ATM: variants seen among roughly 807,000 people sequenced by gnomAD.
The protein encoded by ATM is serine-protein kinase ATM.
Under a neutral mutation model 387.0 loss-of-function variants are expected in ATM, and 308 were observed. The observed-to-expected ratio is 0.80, with a 90% confidence interval of 0.73 to 0.87. ATM has a LOEUF of 0.87. ATM is among the 40% of genes least tolerant of loss of function. The pLI, the probability that ATM is intolerant of heterozygous loss-of-function variation, is 0.00. For missense variants in ATM, 3,312 were observed against 3,560.9 expected (o/e 0.93, Z 1.78); for synonymous variants, 1,156 against 1,187.3 (o/e 0.97, Z 0.54).
rs777200099 is a variant in ATM at position 108,317,998 on chromosome 11, T to C, written c.6347+477T>C. ...GCTACAAACATTTTAGTCAGTAAGATAGCACTTATATTGGCTGGAGGATCC... is the reference window on the plus strand; with the variant it reads ...GCTACAAACATTTTAGTCAGTAAGACAGCACTTATATTGGCTGGAGGATCC... On this transcript the variant is annotated intron_variant, in intron 43 of 62. Transcript: ENST00000675843. 5.9e-5 allele frequency among the ~76,000 whole-genome samples: 9 copies of C among 152,288 alleles called. No individual in the cohort carries two copies. The South Asian group carries it at 1.0e-3, about 18-fold the overall frequency.
Position 108,281,122 on chromosome 11 carries a change from G to A in ATM, c.3530G>A (p.Cys1177Tyr), listed in dbSNP as rs587782470. 2 of 1,613,998 alleles carry A rather than the reference G, an allele frequency of 1.2e-6. No individual in the cohort carries two copies. Among genetic ancestry groups the A allele is most frequent in the Middle Eastern group, 1.7e-4 (1 of 6,060 alleles). The change falls in exon 24 of 63, where the codon TGT becomes TAT. Residue 1177 changes from cysteine to tyrosine, a missense_variant. Coordinates refer to ENST00000675843, the MANE Select transcript of ATM (RefSeq NM_000051.4). Reference sequence around the variant, plus strand: ...GAAAAACAGGCTTTGTTTGCCCTGTGTAAATCTGTGAAAGAGAATGGATTA... The same window carrying A: ...GAAAAACAGGCTTTGTTTGCCCTGTATAAATCTGTGAAAGAGAATGGATTA... ...ICEKQALFAL[C>Y]KSVKENGLEP...
At chr11:108,240,814 G>A (rs560310319) in intron 5 of ATM, among the ~76,000 whole-genome samples, 2 of 152,194 alleles carry the variant, frequency 1.3e-5, no homozygotes, top group South Asian at 4.1e-4. Flanking sequence ...CTCTTATTCT[G>A]TACCAAATTT....
At chr11:108,277,137 G>A (rs942263684) in intron 22 of ATM, among the ~76,000 whole-genome samples, 1 of 152,148 alleles carries the variant, frequency 6.6e-6, no homozygotes, top group Non-Finnish European at 1.5e-5. Context: ...CACCCAGTTC[G>A]AACTTCCTAC....
At position 108,326,395 on chromosome 11, in the gene ATM, ACTTTTT is replaced by A. The variant is rs201063124; in HGVS notation, c.6975+172_6975+177del. ...ATTAATTTGTAAATGAAGTTTAGAAACTTTTTCCTATATATCACAATTCTATCAGTC... is the reference window on the plus strand; with the variant it reads ...ATTAATTTGTAAATGAAGTTTAGAAACCTATATATCACAATTCTATCAGTC... On this transcript the variant is annotated intron_variant, in intron 47 of 62. Coordinates refer to ENST00000675843, the MANE Select transcript of ATM (RefSeq NM_000051.4). Among the ~76,000 whole-genome samples the A allele has an allele frequency of 6.8e-3, 1,034 of 152,312 alleles. 15 individuals carry two copies. The highest frequency in any genetic ancestry group is 0.023 in the African/African-American group (957 of 41,570).
chr11:108,262,621 TCACACATAA>T (rs2080968595), intron 16 of ATM, among the ~76,000 whole-genome samples: 1 of 152,170 alleles, frequency 6.6e-6, no homozygotes, highest in Non-Finnish European at 1.5e-5. Flanking sequence ...AGGATCAAAT[TCACACATAA>T]CAATGTTAAC....
At chr11:108,308,874 C>T in intron 38 of ATM, 2 of 693,898 alleles carry the variant, frequency 2.9e-6, no homozygotes, top group South Asian at 1.7e-5. Flanking sequence ...ACCAGATTAT[C>T]TTCTGAGGAG....
Position 108,292,743 on chromosome 11 carries a change from G to T in ATM, c.4561G>T (p.Val1521Phe). Residue 1521 changes from valine to phenylalanine, a missense_variant, in exon 30 of 63, where the codon GTT becomes TTT. Physicochemically the swap from Val to Phe is conservative, Grantham distance 50 (BLOSUM62 -1). Around this residue, in one of 4 missense-constraint regions of ATM, gnomAD observed 1,791 missense variants for 1,804.5 expected, o/e 0.99. Transcript: ENST00000675843. ...DALENHLHVI[V>F]GTLIPLVYEQ... ...TCTAGAAAACCATCTTCATGTTATT[G>T]TTGGTACACTTATACCCCTTGTGTA... is the stretch of plus-strand genomic sequence containing the variant. The T allele has an allele frequency of 6.2e-7, 1 of 1,613,994 alleles. No individual in the cohort carries two copies. Among genetic ancestry groups the T allele is most frequent in the South Asian group, 1.1e-5 (1 of 91,080 alleles).
At chr11:108,315,222 A>G (rs611018) in intron 40 of ATM, among the ~76,000 whole-genome samples, 144,090 of 152,328 alleles carry the variant, frequency 0.95, 68,251 homozygotes, top group East Asian at 1. Context: ...AATGCTTACC[A>G]CAGTAGCAAC....
At chr11:108,229,569 C>T in intron 4 of ATM, 1 of 421,902 alleles carries the variant, frequency 2.4e-6, no homozygotes. Flanking sequence ...TGGTTGTGAT[C>T]AATTCGTTGT....
At chr11:108,264,372 G>A (rs2081088602) in intron 16 of ATM, among the ~76,000 whole-genome samples, 1 of 152,078 alleles carries the variant, frequency 6.6e-6, no homozygotes, top group Non-Finnish European at 1.5e-5. Flanking sequence ...CAGAACCAAA[G>A]ACAAAAAACA....
chr11:108,276,227 C>T (rs924246458), intron 22 of ATM, among the ~76,000 whole-genome samples: 1 of 152,200 alleles, frequency 6.6e-6, no homozygotes, highest in Non-Finnish European at 1.5e-5. Flanking sequence ...TTATGTTCTT[C>T]TCTACACTGA....
intron 49 of ATM, among the ~76,000 whole-genome samples, chr11:108,329,857 T>C (rs764967439): frequency 1.3e-5 from 2 of 152,234 alleles, no homozygotes; most frequent in Non-Finnish European, 2.9e-5. Flanking sequence ...TGTTTGTTGG[T>C]ATCATAGTGG....
At chr11:108,327,838 C>A (rs2136383172) in intron 48 of ATM, 80 bp downstream of exon 48, 1 of 1,096,696 alleles carries the variant, frequency 9.1e-7, no homozygotes, top group Non-Finnish European at 1.4e-6. Context: ...AATATATTTC[C>A]AAAGCAAATA....
Position 108,250,960 on chromosome 11 carries a change from C to T in ATM, c.1495C>T (p.Gln499Ter), listed in dbSNP as rs1555071075. The stretch of plus-strand genomic sequence containing the variant: ...TACCTTTCGTGGTATAAGTTCTGAG[C>T]AAATACAAGCTGAAAACTTTGGCTT... Reference protein sequence around the residue: ...CITFRGISSEQIQAENFGLLG... With the variant: ...CITFRGISSE Residue 499 changes from glutamine to a stop codon, truncating the protein, a stop_gained, in exon 10 of 63, where the codon CAA becomes TAA. Transcript: ENST00000675843. LOFTEE classifies it high-confidence loss of function. The T allele has an allele frequency of 1.2e-6, 2 of 1,614,074 alleles. No individual in the cohort carries two copies. Among genetic ancestry groups the T allele is most frequent in the Non-Finnish European group, 8.5e-7 (1 of 1,179,994 alleles).
At chr11:108,342,468 A>G (rs1490750881) in intron 56 of ATM, among the ~76,000 whole-genome samples, 1 of 152,188 alleles carries the variant, frequency 6.6e-6, no homozygotes, top group Non-Finnish European at 1.5e-5. Context: ...ATTTGTGTAC[A>G]TATAGCTTTG....
intron 22 of ATM, among the ~76,000 whole-genome samples, chr11:108,274,741 G>C (rs889579101): frequency 6.6e-6 from 1 of 150,904 alleles, no homozygotes; most frequent in Admixed American, 6.6e-5. Flanking sequence ...AGACTGTTAC[G>C]ATTTCCATTC....
At chr11:108,356,740 T>G (rs1319048050) in intron 61 of ATM, among the ~76,000 whole-genome samples, 2 of 152,116 alleles carry the variant, frequency 1.3e-5, no homozygotes, top group East Asian at 1.9e-4. Flanking sequence ...CTCAGAAATC[T>G]TACTAGTTTA....
chr11:108,354,682 T>C, intron 60 of ATM, 129 bp from the exon 61 acceptor site: 2 of 855,876 alleles, frequency 2.3e-6, no homozygotes, highest in Non-Finnish European at 2.0e-6. Flanking sequence ...TATTATGCTA[T>C]TTTGAGATAC....
At chr11:108,248,902 AG>A (rs1196515346) in intron 8 of ATM, 30 bp from the exon 9 acceptor site, 20 of 1,562,966 alleles carry the variant, frequency 1.3e-5, no homozygotes, top group Admixed American at 7.3e-5. Flanking sequence ...AAAAAAAAAA[AG>A]AAAAAAGTGG....
Sources: gnomAD v4.1 joint callset for allele counts (sites outside exome capture counted in the v4.1 genomes callset) on GRCh38, gnomAD v4.1.1 for gene constraint, gnomAD v4.1.1 regional missense constraint, MANE v1.5 for transcripts, NCBI Gene and HGNC (gene_info 2026-07-23, HGNC 2026-07-21) for gene names.